The following ADCY3 variants were observed in gnomAD, a reference collection of about 807,000 sequenced individuals.
ADCY3 encodes the protein adenylate cyclase 3.
Under a neutral mutation model 119.4 loss-of-function variants are expected in ADCY3, and 70 were observed. The ratio of observed to expected loss-of-function variants is 0.59; its 90% CI spans 0.48 to 0.72. ADCY3 has a LOEUF of 0.72. ADCY3 is among the 30% of genes least tolerant of loss of function. The pLI is 0.00. For synonymous variants in ADCY3, 672 were observed against 621.4 expected (o/e 1.08, Z -1.21); for missense variants, 1,238 against 1,541.6 (o/e 0.80, Z 3.30).
At position 24,919,634 on chromosome 2, in the gene ADCY3, C is replaced by CG. The variant is rs1274441670; in HGVS notation, c.-198+48dup. 1.3e-5 allele frequency: 2 copies of CG among 152,464 alleles called. No homozygotes were observed. Among genetic ancestry groups the CG allele is most frequent in the African/African-American group, 4.8e-5 (2 of 41,472 alleles). The allele number at this position is 152,464 out of a possible 1,614,324, so 9.4% of individuals were successfully genotyped here. ...TCCGATCCGGCCCCCTTCCCACGCT[C>CG]GGGGCGCTGTCTTCCCCCCCGGAAG... On this transcript the variant is annotated intron_variant, in intron 1 of 21. Transcript: ENST00000679454. This position sits in a 1 kb window ranked among gnomAD's most constrained non-coding sequence, Gnocchi z 5.5.
At chr2:24,867,789 AAAG>A (rs1260099829) in intron 3 of ADCY3, among the ~76,000 whole-genome samples, 1 of 152,044 alleles carries the variant, frequency 6.6e-6, no homozygotes, top group African/African-American at 2.4e-5. Context: ...AAATATAAGT[AAAG>A]AATATTAATA....
chr2:24,901,418 C>T (rs916589588), intron 2 of ADCY3, among the ~76,000 whole-genome samples: 1 of 151,986 alleles, frequency 6.6e-6, no homozygotes, highest in African/African-American at 2.4e-5. Context: ...AAAGAAAGCG[C>T]GTTGTTTCTA....
At chr2:24,864,971 T>A (rs1424321282) in intron 3 of ADCY3, among the ~76,000 whole-genome samples, 1 of 152,246 alleles carries the variant, frequency 6.6e-6, no homozygotes, top group Non-Finnish European at 1.5e-5. Flanking sequence ...CTTGCACATA[T>A]ATACTATGAT....
rs1436115540 is a variant in ADCY3, at chr2:24,820,643, C to T, written c.3252+81G>A. 14 of 1,582,094 alleles carry T rather than the reference C, an allele frequency of 8.8e-6. No individual in the cohort carries two copies. In the African/African-American group the frequency reaches 1.6e-4, roughly 18 times the overall value. The stretch of plus-strand genomic sequence containing the variant: ...TACTGTTCAGGGCCAGGGTGGGAGG[C>T]AGGGGCACGTGGGAAAGCACTGTTC... On this transcript the variant is annotated intron_variant, in intron 21 of 21. Transcript: ENST00000679454.
chr2:24,833,305 C>G (rs1482213201), intron 11 of ADCY3, among the ~76,000 whole-genome samples: 1 of 152,190 alleles, frequency 6.6e-6, no homozygotes, highest in Non-Finnish European at 1.5e-5. Context: ...TGGCCCGTTC[C>G]CAATGCGATG....
chr2:24,890,925 G>C (rs907156880), intron 2 of ADCY3, among the ~76,000 whole-genome samples: 1 of 151,822 alleles, frequency 6.6e-6, no homozygotes, highest in Non-Finnish European at 1.5e-5. Flanking sequence ...AGGCTGGAGC[G>C]CAGTGGCACG....
chr2:24,875,727 G>A (rs1018102932), intron 2 of ADCY3, among the ~76,000 whole-genome samples: 2 of 152,210 alleles, frequency 1.3e-5, no homozygotes, highest in African/African-American at 4.8e-5. Context: ...ACAACATTAA[G>A]TCCTAGACAC....
chr2:24,912,725 T>A (rs750139003), intron 2 of ADCY3, among the ~76,000 whole-genome samples: 4 of 152,030 alleles, frequency 2.6e-5, no homozygotes, highest in Non-Finnish European at 5.9e-5. Context: ...AAGCGCTGAT[T>A]TAAAATAATA....
intron 2 of ADCY3, among the ~76,000 whole-genome samples, chr2:24,888,007 C>T (rs1332684479): frequency 2.0e-5 from 3 of 152,180 alleles, no homozygotes; most frequent in Non-Finnish European, 4.4e-5. Context: ...ATTTTCATCA[C>T]CTGGGAAGGC....
chr2:24,830,188 G>C (rs1330685791), intron 13 of ADCY3, among the ~76,000 whole-genome samples: 1 of 151,168 alleles, frequency 6.6e-6, no homozygotes, highest in African/African-American at 2.4e-5. Context: ...TTACAGGTGT[G>C]CACCACCATG....
rs750626685 is a variant in ADCY3, at chr2:24,824,375, C to T, written c.2736+3G>A. The T allele has an allele frequency of 6.2e-7, 1 of 1,614,050 alleles. No individual in the cohort carries two copies. The highest frequency in any genetic ancestry group is 1.7e-5 in the Admixed American group (1 of 60,020). On this transcript the variant is annotated splice_donor_region_variant and intron_variant, in intron 17 of 21. Coordinates refer to ENST00000679454, the MANE Select transcript of ADCY3 (RefSeq NM_004036.5). ...GGTTCCGGGCTGAGACCACACCCCT[C>T]ACCTCATCTCTCTTCTTGGACCCCA...
intron 16 of ADCY3, chr2:24,825,774 G>T (rs1195004196): frequency 2.0e-6 from 1 of 488,832 alleles, no homozygotes; most frequent in Non-Finnish European, 3.7e-6. Flanking sequence ...CAAGATGTTT[G>T]TGCCTTCACT....
At chr2:24,893,364 A>T (rs1396242405) in intron 2 of ADCY3, among the ~76,000 whole-genome samples, 1 of 146,768 alleles carries the variant, frequency 6.8e-6, no homozygotes, top group Non-Finnish European at 1.5e-5. Flanking sequence ...GAGCGAGAAA[A>T]TTTCTTTTTG....
intron 2 of ADCY3, among the ~76,000 whole-genome samples, chr2:24,900,157 C>A (rs1678736483): frequency 2.1e-5 from 3 of 145,094 alleles, no homozygotes; most frequent in Admixed American, 1.3e-4. Flanking sequence ...GTCACCCAGG[C>A]TGGAGTGCAG....
intron 2 of ADCY3, among the ~76,000 whole-genome samples, chr2:24,901,474 A>T (rs566895861): frequency 5.3e-5 from 8 of 152,370 alleles, no homozygotes; most frequent in African/African-American, 1.9e-4. Flanking sequence ...AAATATAAGT[A>T]GCTAGAAGAA....
chr2:24,877,532 G>C (rs1015261556), intron 2 of ADCY3, among the ~76,000 whole-genome samples: 4 of 152,210 alleles, frequency 2.6e-5, no homozygotes, highest in African/African-American at 7.2e-5. Context: ...AGACAGAGCA[G>C]ACCAACAGGC....
Position 24,899,119 on chromosome 2 carries a change from G to A in ADCY3, c.675+19194C>T, listed in dbSNP as rs1316931680. Among the ~76,000 whole-genome samples the A allele has an allele frequency of 6.6e-6, 1 of 152,042 alleles. No individual in the cohort carries two copies. Among genetic ancestry groups the A allele is most frequent in the Non-Finnish European group, 1.5e-5 (1 of 67,996 alleles). On this transcript the variant is annotated intron_variant, in intron 2 of 21. Transcript: ENST00000679454. The surrounding 1 kb of genome is among the most constrained non-coding windows in gnomAD (Gnocchi z 4.5). The stretch of plus-strand genomic sequence containing the variant: ...CACCTGTCTCTACCTCTGCTCCCTA[G>A]GCAGAGCCACTAGGCAGTTGCCAAC...
In ADCY3 at chr2:24,836,964, G is replaced by A. The variant is rs770481142; in HGVS notation, c.1615C>T (p.His539Tyr). 1 of 1,614,010 alleles carries A rather than the reference G, an allele frequency of 6.2e-7. No individual in the cohort carries two copies. Reference sequence around the variant, plus strand: ...TTCTCCGACGTGGACCCACTGCTGTGGGCACTCCCGTTGGGCTCCTTGGTC... The same window carrying A: ...TTCTCCGACGTGGACCCACTGCTGTAGGCACTCCCGTTGGGCTCCTTGGTC... ...IETKEPNGSA[H>Y]SSGSTSEKPE... is the part of the protein sequence containing the mutation. The change falls in exon 9 of 22, where the codon CAC becomes TAC. Residue 539 changes from histidine to tyrosine, a missense_variant. Physicochemically the swap from His to Tyr is moderately conservative, Grantham distance 83. Around this residue, in one of 7 missense-constraint regions of ADCY3, gnomAD observed 499 missense variants for 571.0 expected, o/e 0.87. Transcript: ENST00000679454.
At chr2:24,907,971 G>A (rs1476012303) in intron 2 of ADCY3, among the ~76,000 whole-genome samples, 1 of 151,888 alleles carries the variant, frequency 6.6e-6, no homozygotes, top group Non-Finnish European at 1.5e-5. Flanking sequence ...TCCAGCCTGG[G>A]CAACAGAACG....
Sources: gnomAD v4.1 joint callset for allele counts (sites outside exome capture counted in the v4.1 genomes callset) on GRCh38, gnomAD v4.1.1 for gene constraint, gnomAD v4.1.1 regional missense constraint, Gnocchi (gnomAD v3.1) non-coding constraint, MANE v1.5 for transcripts, NCBI Gene and HGNC (gene_info 2026-07-23, HGNC 2026-07-21) for gene names.